Variants in CCDC7 observed in about 807,000 individuals in gnomAD.
The protein encoded by CCDC7 is coiled-coil domain containing 7.
CCDC7 carries 183 observed loss-of-function variants against 196.9 expected under a neutral mutation model. That is an observed-to-expected ratio of 0.93 (90% confidence interval 0.82 to 1.05). CCDC7 has a LOEUF of 1.05. Ranked by LOEUF, CCDC7 falls within the 50% of genes least tolerant of loss-of-function variation. The pLI is 0.00. For missense variants in CCDC7, 1,540 were observed against 1,482.2 expected (o/e 1.04, Z -0.64); for synonymous variants, 525 against 484.6 (o/e 1.08, Z -1.10).
intron 29 of CCDC7, among the ~76,000 whole-genome samples, chr10:32,782,558 AC>A (rs1476097144): frequency 7.2e-6 from 1 of 139,410 alleles, no homozygotes; most frequent in East Asian, 2.1e-4. Context: ...TGACAGTAAT[AC>A]CCAAAGTGAT....
intron 20 of CCDC7, among the ~76,000 whole-genome samples, chr10:32,659,749 G>T (rs2070827797): frequency 6.6e-6 from 1 of 152,132 alleles, no homozygotes; most frequent in African/African-American, 2.4e-5. Context: ...CTGATCATTA[G>T]AGAAATGCAA....
chr10:32,443,966 A>T (rs760769943), upstream of CCDC7, among the ~76,000 whole-genome samples: 3 of 152,120 alleles, frequency 2.0e-5, no homozygotes, highest in Admixed American at 6.5e-5. Context: ...ATTAATTTGG[A>T]TCTTCTTTAA....
At chr10:32,751,829 T>C (rs2075706404) in intron 28 of CCDC7, among the ~76,000 whole-genome samples, 2 of 152,170 alleles carry the variant, frequency 1.3e-5, no homozygotes, top group South Asian at 2.1e-4. Context: ...TTAGAGATGA[T>C]GTATAGGATA....
rs2077835486 is a variant in CCDC7, at chr10:32,763,807, C to T, written c.2906-15170C>T. On this transcript the variant is annotated intron_variant, in intron 28 of 41. Coordinates refer to ENST00000639629, the Ensembl canonical transcript of CCDC7. The stretch of plus-strand genomic sequence containing the variant: ...GAAGTGGAAGGTAAAATGGTGGTTA[C>T]CTGAGGCTGAGGGAAGGGGGACAAA... Among the ~76,000 whole-genome samples, 2 of 151,558 alleles carry T rather than the reference C, an allele frequency of 1.3e-5. 1 individual carries two copies. Among genetic ancestry groups the T allele is most frequent in the South Asian group, 4.2e-4 (2 of 4,816 alleles).
At chr10:32,786,473 T>C (rs77311717) in intron 29 of CCDC7, among the ~76,000 whole-genome samples, 1 of 152,190 alleles carries the variant, frequency 6.6e-6, no homozygotes, top group Admixed American at 6.5e-5. Context: ...AAAACCACTA[T>C]ATAAGGCCAG....
At chr10:32,659,741 G>C (rs2070823911) in intron 20 of CCDC7, among the ~76,000 whole-genome samples, 1 of 152,120 alleles carries the variant, frequency 6.6e-6, no homozygotes, top group Non-Finnish European at 1.5e-5. Context: ...TAACATCACT[G>C]ATCATTAGAG....
intron 15 of CCDC7, 135 bp from the exon 17 acceptor site, chr10:32,571,724 C>T (rs1590040890): frequency 5.5e-6 from 4 of 721,540 alleles, no homozygotes; most frequent in African/African-American, 3.7e-5. Flanking sequence ...ATGATAATTT[C>T]TTTGCTTTTT....
intron 9 of CCDC7, among the ~76,000 whole-genome samples, chr10:32,500,171 G>A (rs887829836): frequency 3.3e-5 from 5 of 151,382 alleles, no homozygotes; most frequent in South Asian, 2.1e-4. Context: ...CTTCCCAGAC[G>A]GGGCGGCTGG....
chr10:32,502,235 G>A (rs2044184609), intron 9 of CCDC7, among the ~76,000 whole-genome samples: 1 of 152,154 alleles, frequency 6.6e-6, no homozygotes, highest in Non-Finnish European at 1.5e-5. Context: ...AAGACCATGG[G>A]AAAAGTGCAG....
chr10:32,784,717 A>G (rs2081565639), intron 29 of CCDC7, among the ~76,000 whole-genome samples: 1 of 151,996 alleles, frequency 6.6e-6, no homozygotes, highest in Non-Finnish European at 1.5e-5. Context: ...GACTACAGAC[A>G]CGTGCTGGGC....
chr10:32,527,413 C>T (rs188838177), intron 11 of CCDC7, among the ~76,000 whole-genome samples: 1 of 152,194 alleles, frequency 6.6e-6, no homozygotes, highest in Non-Finnish European at 1.5e-5. Flanking sequence ...TCTGATGGTG[C>T]TTTCCTGTGT....
At chr10:32,777,396 C>CAGGA (rs777102760) in intron 28 of CCDC7, among the ~76,000 whole-genome samples, 24 of 152,084 alleles carry the variant, frequency 1.6e-4, no homozygotes, top group Non-Finnish European at 3.1e-4. Flanking sequence ...GGTATATAGC[C>CAGGA]AGGAATGGGA....
At chr10:32,657,044 TCACATCCAGGGCA>T (rs1023719490) in intron 20 of CCDC7, among the ~76,000 whole-genome samples, 1 of 152,266 alleles carries the variant, frequency 6.6e-6, no homozygotes, top group Non-Finnish European at 1.5e-5. Context: ...ACTTCATGTC[TCACATCCAGGGCA>T]CACTGGTGCA....
At chr10:32,548,706 T>C (rs2052928433) in intron 13 of CCDC7, among the ~76,000 whole-genome samples, 1 of 152,210 alleles carries the variant, frequency 6.6e-6, no homozygotes, top group Non-Finnish European at 1.5e-5. Flanking sequence ...AATAATAGTC[T>C]CCAATCTCAT....
chr10:32,737,776 C>T (rs962965046), intron 28 of CCDC7, among the ~76,000 whole-genome samples: 1 of 152,064 alleles, frequency 6.6e-6, no homozygotes, highest in African/African-American at 2.4e-5. Flanking sequence ...TGTAATGTCC[C>T]TCCATGTCTC....
intron 24 of CCDC7, among the ~76,000 whole-genome samples, chr10:32,710,196 A>G (rs1302818190): frequency 6.6e-6 from 1 of 152,170 alleles, no homozygotes; most frequent in Non-Finnish European, 1.5e-5. Context: ...TACCTCATTC[A>G]TCATGCAGGC....
At chr10:32,589,849 G>A (rs1241035257) in intron 18 of CCDC7, among the ~76,000 whole-genome samples, 1 of 151,896 alleles carries the variant, frequency 6.6e-6, no homozygotes, top group Non-Finnish European at 1.5e-5. Context: ...AATGTATTGT[G>A]TCTGATATAA....
Position 32,452,011 on chromosome 10 carries a change from A to G in CCDC7, c.279+90A>G, listed in dbSNP as rs111785817. On this transcript the variant is annotated intron_variant, in intron 1 of 41. Transcript: ENST00000639629. ...TAGGAGGACTCACATGACTCCACATATAGTCATACCGATGGCTAAGATTTA... is the reference window on the plus strand; with the variant it reads ...TAGGAGGACTCACATGACTCCACATGTAGTCATACCGATGGCTAAGATTTA... 9.2e-4 allele frequency: 1,328 copies of G among 1,444,160 alleles called. 2 individuals are homozygous for G. The highest frequency in any genetic ancestry group is 9.3e-4 in the Non-Finnish European group (1,020 of 1,094,226). The allele number at this position is 1,444,160 out of a possible 1,614,324, so 89.5% of individuals were successfully genotyped here.
rs560073888 is a variant in CCDC7, at chr10:32,795,194, A to G, written c.3014-9821A>G. ...TTTCTTGCTCAGTTTCCTCTTGAAC[A>G]GTAATAATTCTTAGATTTGGTCTTT... On this transcript the variant is annotated intron_variant, in intron 29 of 41. Coordinates refer to ENST00000639629, the Ensembl canonical transcript of CCDC7. Among the ~76,000 whole-genome samples, 12 of 152,316 alleles carry G rather than the reference A, an allele frequency of 7.9e-5. No individual in the cohort carries two copies. The East Asian group carries it at 2.3e-3, about 29-fold the overall frequency.
Sources: gnomAD v4.1 joint callset for allele counts (sites outside exome capture counted in the v4.1 genomes callset) on GRCh38, gnomAD v4.1.1 for gene constraint, MANE v1.5 for transcripts, NCBI Gene and HGNC (gene_info 2026-07-23, HGNC 2026-07-21) for gene names.